The following CA10 variants were observed in gnomAD, a reference collection of about 807,000 sequenced individuals.
CA10 encodes the protein carbonic anhydrase-related protein 10.
Under a neutral mutation model 44.2 loss-of-function variants are expected in CA10, and 14 were observed. The ratio of observed to expected loss-of-function variants is 0.32; its 90% confidence interval spans 0.21 to 0.50. CA10 has a LOEUF of 0.50. CA10 is among the 20% of genes least tolerant of loss of function. CA10 has a pLI of 0.99. For synonymous variants in CA10, 159 were observed against 141.6 expected (o/e 1.12, Z -0.87); for missense variants, 350 against 409.7 (o/e 0.85, Z 1.26).
chr17:51,817,733 C>T (rs1156406184), intron 3 of CA10, among the ~76,000 whole-genome samples: 1 of 152,094 alleles, frequency 6.6e-6, no homozygotes, highest in African/African-American at 2.4e-5. Flanking sequence ...CTGGTTTGTC[C>T]CATATCTTTG....
chr17:52,060,179 A>G (rs909093280), intron 2 of CA10, among the ~76,000 whole-genome samples: 45 of 152,172 alleles, frequency 3.0e-4, no homozygotes, highest in African/African-American at 1.0e-3. Flanking sequence ...AAAACTCACA[A>G]TCCCAGATTA....
intron 2 of CA10, among the ~76,000 whole-genome samples, chr17:52,057,383 TC>T (rs1987258212): frequency 1.3e-5 from 2 of 152,226 alleles, no homozygotes; most frequent in East Asian, 3.9e-4. Context: ...ATGATCCACT[TC>T]CACATAATGA....
chr17:52,035,771 C>T (rs996036734), intron 2 of CA10, among the ~76,000 whole-genome samples: 5 of 152,258 alleles, frequency 3.3e-5, no homozygotes, highest in Non-Finnish European at 7.3e-5. Flanking sequence ...TTCGCTCATG[C>T]ACTCTCTCCC....
intron 2 of CA10, among the ~76,000 whole-genome samples, chr17:52,007,888 T>C (rs1343397588): frequency 6.6e-6 from 1 of 151,584 alleles, no homozygotes; most frequent in Non-Finnish European, 1.5e-5. Flanking sequence ...CTGGTTCGTT[T>C]TGGTTTCAAA....
chr17:51,659,406 A>G (rs1310686576), intron 4 of CA10, among the ~76,000 whole-genome samples: 3 of 152,148 alleles, frequency 2.0e-5, no homozygotes, highest in Non-Finnish European at 4.4e-5. Flanking sequence ...ACATTGTGGG[A>G]CTTCTTGGCT....
chr17:51,866,369 C>G (rs1021022010), intron 3 of CA10, among the ~76,000 whole-genome samples: 1 of 152,226 alleles, frequency 6.6e-6, no homozygotes, highest in African/African-American at 2.4e-5. Flanking sequence ...CTGCACTCCC[C>G]CTAAACCTCC....
intron 3 of CA10, among the ~76,000 whole-genome samples, chr17:51,819,814 A>T (rs368141743): frequency 1.3e-5 from 2 of 152,214 alleles, no homozygotes; most frequent in Admixed American, 6.5e-5. Flanking sequence ...CTCCAGACTC[A>T]GCCTCCAGAG....
At chr17:51,798,751 G>A (rs1906812583) in intron 3 of CA10, among the ~76,000 whole-genome samples, 1 of 152,204 alleles carries the variant, frequency 6.6e-6, no homozygotes, top group South Asian at 2.1e-4. Flanking sequence ...GGCTGAAGAC[G>A]CAGACTTGGA....
At chr17:51,907,343 A>G (rs1381420868) in intron 3 of CA10, among the ~76,000 whole-genome samples, 2 of 152,122 alleles carry the variant, frequency 1.3e-5, no homozygotes, top group Non-Finnish European at 1.5e-5. Flanking sequence ...AGAGGAAGGA[A>G]GAGGTTGGCT....
intron 1 of CA10, among the ~76,000 whole-genome samples, chr17:52,138,857 T>C (rs186361928): frequency 1.3e-5 from 2 of 152,312 alleles, no homozygotes; most frequent in East Asian, 3.9e-4. Flanking sequence ...CTGCTTATAG[T>C]AGTCCTGAAG....
At chr17:52,066,323 A>G (rs979290469) in intron 2 of CA10, among the ~76,000 whole-genome samples, 1 of 152,234 alleles carries the variant, frequency 6.6e-6, no homozygotes, top group Non-Finnish European at 1.5e-5. Context: ...AAATACTGAT[A>G]GTGATATGGA....
chr17:51,758,063 T>C (rs960293739), intron 3 of CA10, among the ~76,000 whole-genome samples: 1 of 152,134 alleles, frequency 6.6e-6, no homozygotes, highest in African/African-American at 2.4e-5. Flanking sequence ...CCCACTACTC[T>C]TAACCCTGCA....
intron 2 of CA10, among the ~76,000 whole-genome samples, chr17:51,960,984 G>A (rs974497761): frequency 8.5e-5 from 13 of 152,154 alleles, no homozygotes; most frequent in Non-Finnish European, 1.5e-5. Flanking sequence ...AAGATTCTGA[G>A]TTGAAAGGCG....
intron 3 of CA10, among the ~76,000 whole-genome samples, chr17:51,868,595 AGTTGTGGCTT>A (rs1979658075): frequency 6.6e-6 from 1 of 152,152 alleles, no homozygotes; most frequent in South Asian, 2.1e-4. Context: ...AACTCCACAG[AGTTGTGGCTT>A]TGATTTAGCT....
chr17:52,055,278 G>A (rs1987193769), intron 2 of CA10, among the ~76,000 whole-genome samples: 1 of 151,430 alleles, frequency 6.6e-6, no homozygotes. Flanking sequence ...AAAGTGTGAG[G>A]GTGAAGACAA....
At chr17:52,112,150 G>A (rs925973285) in intron 1 of CA10, among the ~76,000 whole-genome samples, 4 of 150,702 alleles carry the variant, frequency 2.7e-5, no homozygotes, top group African/African-American at 9.8e-5. Context: ...TTTCATTTTA[G>A]TTCTATTAGG....
intron 1 of CA10, among the ~76,000 whole-genome samples, chr17:52,103,767 T>C (rs565539122): frequency 6.6e-6 from 1 of 152,304 alleles, no homozygotes; most frequent in South Asian, 2.1e-4. Context: ...AGGCTCTCAT[T>C]TGTTTCAAGT....
In CA10 at chr17:52,082,283, G is replaced by A. The variant is rs116977557; in HGVS notation, c.62-9890C>T. 6.8e-3 allele frequency among the ~76,000 whole-genome samples: 1,036 copies of A among 152,180 alleles called. 43 individuals are homozygous for A. Among genetic ancestry groups the A allele is most frequent in the Admixed American group, 0.054 (828 of 15,292 alleles). Reference sequence around the variant, plus strand: ...CCTTGGAATAAGTTTAATGATAAAAGGTCCTTAGAATTCAAAGAAGAGTGT... The same window carrying A: ...CCTTGGAATAAGTTTAATGATAAAAAGTCCTTAGAATTCAAAGAAGAGTGT... On this transcript the variant is annotated intron_variant, in intron 1 of 8. Transcript: ENST00000451037.
chr17:51,653,801 C>T (rs1356638055), intron 4 of CA10, 65 bp from the exon 5 acceptor site: 1 of 903,136 alleles, frequency 1.1e-6, no homozygotes, highest in African/African-American at 1.6e-5. Context: ...AGGCATAGCA[C>T]CTGCCCCTAC....
Sources: gnomAD v4.1 joint callset for allele counts (sites outside exome capture counted in the v4.1 genomes callset) on GRCh38, gnomAD v4.1.1 for gene constraint, MANE v1.5 for transcripts, NCBI Gene and HGNC (gene_info 2026-07-23, HGNC 2026-07-21) for gene names.